MAP2K3: variants seen among roughly 807,000 people sequenced by gnomAD.
MAP2K3 encodes the protein dual specificity mitogen-activated protein kinase kinase 3.
Under a neutral mutation model 46.4 loss-of-function variants are expected in MAP2K3, and 30 were observed. The observed-to-expected ratio is 0.65, with a 90% CI of 0.48 to 0.88. The LOEUF is 0.88. Among genes scored for constraint, MAP2K3 ranks in the 40% least tolerant of loss-of-function variants. MAP2K3 has a pLI of 0.00. For synonymous variants in MAP2K3, 189 were observed against 176.3 expected, an observed-to-expected ratio of 1.07 and a Z score of -0.57; for missense variants, 380 against 464.5, an observed-to-expected ratio of 0.82 and a Z score of 1.67.
intron 7 of MAP2K3, among the ~76,000 whole-genome samples, chr17:21,303,660 G>A (rs1446910537): frequency 2.0e-5 from 3 of 152,310 alleles, no homozygotes; most frequent in Non-Finnish European, 4.4e-5. Context: ...TTTTCCCACA[G>A]TGGGTTGGTT....
At chr17:21,297,483 C>T (rs1976322839) in intron 1 of MAP2K3, among the ~76,000 whole-genome samples, 1 of 152,310 alleles carries the variant, frequency 6.6e-6, no homozygotes, top group Non-Finnish European at 1.5e-5. Context: ...CGTGTCACTC[C>T]CAGCCCTGCT....
chr17:21,301,473 G>C (rs1360487914), intron 5 of MAP2K3, among the ~76,000 whole-genome samples: 1 of 152,312 alleles, frequency 6.6e-6, no homozygotes, highest in African/African-American at 2.4e-5. Flanking sequence ...GTGTGGGTGA[G>C]CAGGGAGGCC....
intron 1 of MAP2K3, among the ~76,000 whole-genome samples, chr17:21,293,505 G>GGGGT (rs1331250167): frequency 2.0e-5 from 3 of 152,286 alleles, no homozygotes; most frequent in African/African-American, 4.8e-5. Flanking sequence ...CCGGATGTTA[G>GGGGT]GGGTGCTCCC....
rs2363190 is a variant in MAP2K3, at chr17:21,314,550, A to G, written c.*320A>G. ...GTGGATGCTGCTGCCCCTGCACAGC[A>G]GGCTGCCAGTGCCTGGGTGGATGGG... is the stretch of plus-strand genomic sequence containing the variant. On this transcript the variant is annotated 3_prime_UTR_variant, in exon 12 of 12. Transcript: ENST00000342679. 4 of 343,764 alleles carry G rather than the reference A, an allele frequency of 1.2e-5. No homozygotes were observed. Among genetic ancestry groups the G allele is most frequent in the Non-Finnish European group, 2.2e-5 (4 of 184,502 alleles). 21.3% of individuals were successfully genotyped at this position (343,764 alleles called of 1,614,324 possible). A position where few individuals can be genotyped will look rare whatever the true frequency, so the allele number is the denominator to read the frequency against.
rs1336011126 is a variant in MAP2K3, at chr17:21,304,413, C to T, written c.569-13C>T. ...CTCCACAGACGTGGCTGAGGCATGT[C>T]CCTCCCTGGCAGATGTGAAGCCCTC... On this transcript the variant is annotated splice_polypyrimidine_tract_variant and intron_variant, in intron 7 of 11. Coordinates refer to ENST00000342679, the MANE Select transcript of MAP2K3 (RefSeq NM_145109.3). 1 of 1,614,178 alleles carries T rather than the reference C, an allele frequency of 6.2e-7. No individual in the cohort carries two copies. The highest frequency in any genetic ancestry group is 1.3e-5 in the African/African-American group (1 of 74,968).
chr17:21,296,686 T>C (rs527436853), intron 1 of MAP2K3, among the ~76,000 whole-genome samples: 2 of 152,312 alleles, frequency 1.3e-5, no homozygotes, highest in African/African-American at 4.8e-5. Flanking sequence ...CCTGTAGGGC[T>C]GTGGGAGTAT....
At chr17:21,300,402 A>G in intron 3 of MAP2K3, 143 bp from the exon 4 acceptor site, 1 of 830,588 alleles carries the variant, frequency 1.2e-6, no homozygotes, top group Non-Finnish European at 2.0e-6. Flanking sequence ...TGAGGGTCAC[A>G]CAGCAGGGAG....
rs1031517276 is a variant in MAP2K3, at chr17:21,314,355, GCTGC to G, written c.*126_*129del. The G allele has an allele frequency of 4.1e-5, 36 of 871,024 alleles. No individual in the cohort carries two copies. The African/African-American group carries it at 5.8e-4, about 14-fold the overall frequency. 54.0% of individuals were successfully genotyped at this position (871,024 alleles called of 1,614,324 possible). On this transcript the variant is annotated 3_prime_UTR_variant, in exon 12 of 12. Transcript: ENST00000342679. ...AGGGCATCTGGGAGGAACCGAGGGG[GCTGC>G]TCCCACCTGGCTCTGTGGCGAGCCA...
Position 21,314,979 on chromosome 17 carries a change from AGCCTTGC to A in MAP2K3, c.*750_*756del, listed in dbSNP as rs1281112476. The A allele has an allele frequency of 3.3e-5, 5 of 152,578 alleles. No homozygotes were observed. Among genetic ancestry groups the A allele is most frequent in the African/African-American group, 1.2e-4 (5 of 41,390 alleles). The allele number at this position is 152,578 out of a possible 1,614,324, so 9.5% of individuals were successfully genotyped here. On this transcript the variant is annotated 3_prime_UTR_variant, in exon 12 of 12. Transcript: ENST00000342679. ...CACCCCCTAGGGTACCAGCAGGCAG[AGCCTTGC>A]CCTCTGCTCAGGCTGGGGTCCAGTG... is the stretch of plus-strand genomic sequence containing the variant.
At chr17:21,295,800 G>A (rs752811425) in intron 1 of MAP2K3, 11 of 1,284,240 alleles carry the variant, frequency 8.6e-6, no homozygotes, top group Middle Eastern at 2.1e-4. Flanking sequence ...TGAAGGGGGG[G>A]CCACATGATA....
intron 7 of MAP2K3, among the ~76,000 whole-genome samples, chr17:21,304,037 C>T (rs1976751778): frequency 0.014 from 1 of 74 alleles, no homozygotes; most frequent in African/African-American, 0.028. Flanking sequence ...GCAGATCCTG[C>T]CTCCCAGGCT....
intron 1 of MAP2K3, among the ~76,000 whole-genome samples, chr17:21,289,429 G>A (rs1349756828): frequency 6.6e-6 from 1 of 151,550 alleles, no homozygotes; most frequent in Non-Finnish European, 1.5e-5. Flanking sequence ...TCAGTCCTGA[G>A]TCAGGGGTGT....
At chr17:21,288,855 T>A (rs1469387356) in intron 1 of MAP2K3, among the ~76,000 whole-genome samples, 1 of 152,212 alleles carries the variant, frequency 6.6e-6, no homozygotes, top group Non-Finnish European at 1.5e-5. Context: ...TCTGCTGGGA[T>A]GGCCCTGGGT....
chr17:21,300,319 C>G (rs1976520323), intron 3 of MAP2K3, among the ~76,000 whole-genome samples: 1 of 152,308 alleles, frequency 6.6e-6, no homozygotes, highest in Non-Finnish European at 1.5e-5. Flanking sequence ...CACTCCATAG[C>G]AGCCTTGGGG....
At chr17:21,288,943 G>C (rs1237767164) in intron 1 of MAP2K3, among the ~76,000 whole-genome samples, 1 of 152,270 alleles carries the variant, frequency 6.6e-6, no homozygotes, top group African/African-American at 2.4e-5. Context: ...CTTCTGTAAA[G>C]TGGGAGTAAA....
rs774056960 is a variant in MAP2K3 at position 21,302,252 on chromosome 17, C to T, written c.509C>T (p.Ala170Val). The change falls in exon 6 of 12, where the codon GCT (alanine) becomes GTT (valine). Residue 170 changes from alanine (A) to valine (V), a missense_variant. By Grantham distance (64) the Ala-to-Val change is moderately conservative. Around this residue, in one of 5 missense-constraint regions of MAP2K3, gnomAD observed 294 missense variants for 275.4 expected, o/e 1.07. Transcript: ENST00000342679. Reference sequence around the variant, plus strand: ...CCAGAGGACATCCTTGGGGAGATTGCTGTGTCTGTGAGTGGCCTGGGTGGG... The same window carrying T: ...CCAGAGGACATCCTTGGGGAGATTGTTGTGTCTGTGAGTGGCCTGGGTGGG... ...TIPEDILGEI[A>V]VSIVRALEHL... 6.9e-7 allele frequency: 1 copy of T among 1,439,850 alleles called. No homozygotes were observed. The highest frequency in any genetic ancestry group is 1.1e-5 in the South Asian group (1 of 88,892). 89.2% of individuals were successfully genotyped at this position (1,439,850 alleles called of 1,614,324 possible). A position where few individuals can be genotyped will look rare whatever the true frequency, so the allele number is the denominator to read the frequency against.
intron 1 of MAP2K3, among the ~76,000 whole-genome samples, chr17:21,286,403 G>C (rs1019616147): frequency 3.9e-5 from 6 of 152,274 alleles, no homozygotes; most frequent in Non-Finnish European, 8.8e-5. Context: ...TGGGCCTGGG[G>C]AGGGCATGGG....
intron 10 of MAP2K3, among the ~76,000 whole-genome samples, chr17:21,313,135 A>G (rs1330324318): frequency 6.6e-6 from 1 of 152,210 alleles, no homozygotes; most frequent in Non-Finnish European, 1.5e-5. Flanking sequence ...ATTGTGGACT[A>G]ACTTCTCCCA....
Position 21,314,255 on chromosome 17 carries a change from G to T in MAP2K3, c.*25G>T. 1 of 1,595,820 alleles carries T rather than the reference G, an allele frequency of 6.3e-7. No homozygotes were observed. Among genetic ancestry groups the T allele is most frequent in the Non-Finnish European group, 8.6e-7 (1 of 1,164,242 alleles). On this transcript the variant is annotated 3_prime_UTR_variant, in exon 12 of 12. Coordinates refer to ENST00000342679, the MANE Select transcript of MAP2K3 (RefSeq NM_145109.3). ...GGGGCTGGGCCTCGGACCCCACTCC[G>T]GCCCTCCAGAGCCCCACAGCCCCAT...
Sources: gnomAD v4.1 joint callset for allele counts (sites outside exome capture counted in the v4.1 genomes callset) on GRCh38, gnomAD v4.1.1 for gene constraint, gnomAD v4.1.1 regional missense constraint, MANE v1.5 for transcripts, NCBI Gene and HGNC (gene_info 2026-07-23, HGNC 2026-07-21) for gene names.